The following WNT7A variants were observed in gnomAD, a reference collection of about 807,000 sequenced individuals.
The protein encoded by WNT7A is protein Wnt-7a.
Under a neutral mutation model 28.2 loss-of-function variants are expected in WNT7A, and 16 were observed. The ratio of observed to expected loss-of-function variants is 0.57; its 90% CI spans 0.38 to 0.86. The LOEUF (loss-of-function observed/expected upper bound fraction) is 0.86, where lower values mean the gene tolerates loss of function less well. WNT7A is among the 40% of genes least tolerant of loss of function. WNT7A has a pLI of 0.00. For synonymous variants in WNT7A, 190 were observed against 195.9 expected, an observed-to-expected ratio of 0.97 and a Z score of 0.25; for missense variants, 411 against 489.7, an observed-to-expected ratio of 0.84 and a Z score of 1.52.
chr3:13,878,172 AG>A (rs1025835436), intron 1 of WNT7A, among the ~76,000 whole-genome samples: 1 of 151,894 alleles, frequency 6.6e-6, no homozygotes, highest in Non-Finnish European at 1.5e-5. Context: ...CAATCCGGGG[AG>A]GCCGCGGCGC....
chr3:13,831,282 G>T (rs1461021494), intron 3 of WNT7A, among the ~76,000 whole-genome samples: 1 of 152,176 alleles, frequency 6.6e-6, no homozygotes, highest in South Asian at 2.1e-4. Context: ...GGTGTCCAGT[G>T]CCTGACACGA....
At chr3:13,855,911 G>A (rs1694721874) in intron 2 of WNT7A, among the ~76,000 whole-genome samples, 1 of 152,158 alleles carries the variant, frequency 6.6e-6, no homozygotes, top group South Asian at 2.1e-4. Context: ...TAAGCAGCAA[G>A]TGAGGAGGCA....
chr3:13,831,418 T>C (rs1429883723), intron 3 of WNT7A, among the ~76,000 whole-genome samples: 1 of 152,126 alleles, frequency 6.6e-6, no homozygotes, highest in Non-Finnish European at 1.5e-5. Context: ...GGAACTGGTA[T>C]TGGAGTCCAG....
chr3:13,819,209 T>G lies in WNT7A; in HGVS notation c.785A>C (p.Lys262Thr), dbSNP rs1575057350. The G allele has an allele frequency of 6.2e-7, 1 of 1,614,232 alleles. No individual in the cohort carries two copies. The highest frequency in any genetic ancestry group is 2.2e-5 in the East Asian group (1 of 44,880). The change falls in exon 4 of 4, where the codon AAG becomes ACG. Residue 262 changes from lysine to threonine, a missense_variant. Transcript: ENST00000285018. ...LKIKKPLSYRKPMDTDLVYIE... is the reference protein window; with the variant it reads ...LKIKKPLSYRTPMDTDLVYIE... ...GTACACCAGGTCCGTGTCCATGGGC[T>G]TGCGGTACGACAGTGGCTTCTTGAT... is the stretch of plus-strand genomic sequence containing the variant.
intron 3 of WNT7A, 90 bp from the exon 4 acceptor site, chr3:13,819,513 G>GC: frequency 7.4e-7 from 1 of 1,359,474 alleles, no homozygotes; most frequent in Non-Finnish European, 9.4e-7. Context: ...CCCCACCCCT[G>GC]CCCCACCTAT....
At chr3:13,824,653 CTCTCCGCAGCAGCTG>C (rs1162830285) in intron 3 of WNT7A, among the ~76,000 whole-genome samples, 1 of 152,228 alleles carries the variant, frequency 6.6e-6, no homozygotes, top group African/African-American at 2.4e-5. Flanking sequence ...GGCCCATGCT[CTCTCCGCAGCAGCTG>C]CCTCCGCTTG....
chr3:13,867,632 G>C (rs1694932391), intron 2 of WNT7A, among the ~76,000 whole-genome samples: 1 of 152,058 alleles, frequency 6.6e-6, no homozygotes, highest in Non-Finnish European at 1.5e-5. Flanking sequence ...GCCTCCCACA[G>C]CCCACTCACC....
Position 13,879,846 on chromosome 3 carries a change from C to G in WNT7A, c.-30G>C, listed in dbSNP as rs1261790319. On this transcript the variant is annotated 5_prime_UTR_variant, in exon 1 of 4. Transcript: ENST00000285018. ...CCGATTGGCCGCCGGGGCCGCGGGCCGGGCTGTGCTGATCCCGCGGGCCGG... is the reference window on the plus strand; with the variant it reads ...CCGATTGGCCGCCGGGGCCGCGGGCGGGGCTGTGCTGATCCCGCGGGCCGG... The G allele has an allele frequency of 1.3e-5, 21 of 1,593,052 alleles. No individual in the cohort carries two copies. The highest frequency in any genetic ancestry group is 1.8e-5 in the Non-Finnish European group (21 of 1,168,636).
chr3:13,868,793 GGA>G (rs1313129307), intron 2 of WNT7A, among the ~76,000 whole-genome samples: 1 of 15,402 alleles, frequency 6.5e-5, no homozygotes, highest in African/African-American at 2.2e-4. Context: ...AGGAAGGAAG[GGA>G]GAGAGAGAGA....
Position 13,854,817 on chromosome 3 carries a change from A to G in WNT7A, c.299-14T>C, listed in dbSNP as rs374969667. 1 of 1,611,082 alleles carries G rather than the reference A, an allele frequency of 6.2e-7. No homozygotes were observed. Among genetic ancestry groups the G allele is most frequent in the Non-Finnish European group, 8.5e-7 (1 of 1,180,010 alleles). The stretch of plus-strand genomic sequence containing the variant: ...CCTCCCGGCTCCCTGCGAGGAGGAG[A>G]GAAGAGGAGACAAGTTGGGGTCAGG... On this transcript the variant is annotated splice_polypyrimidine_tract_variant and intron_variant, in intron 2 of 3. Transcript: ENST00000285018.
chr3:13,846,656 T>C (rs1694542277), intron 3 of WNT7A, among the ~76,000 whole-genome samples: 1 of 152,206 alleles, frequency 6.6e-6, no homozygotes, highest in African/African-American at 2.4e-5. Context: ...GACTGCATCC[T>C]GCTTCCTGAT....
chr3:13,848,628 C>T (rs1188004375), intron 3 of WNT7A, among the ~76,000 whole-genome samples: 1 of 152,170 alleles, frequency 6.6e-6, no homozygotes, highest in Non-Finnish European at 1.5e-5. Context: ...TCACACATTG[C>T]TAGTGGGAAT....
At position 13,818,351 on chromosome 3, in the gene WNT7A, C is replaced by CGAAAAAAAAAAAAAAAAAAAAAAAA. The variant is rs575789769; in HGVS notation, c.*592_*593insTTTTTTTTTTTTTTTTTTTTTTTTC. The stretch of plus-strand genomic sequence containing the variant: ...TTTCTGGATAAGTAGCAGCAAACAG[C>CGAAAAAAAAAAAAAAAAAAAAAAAA]AAAAAAAAAAAAAAAAATGTGTGTG... On this transcript the variant is annotated 3_prime_UTR_variant, in exon 4 of 4. Transcript: ENST00000285018. 6 of 79,952 alleles carry CGAAAAAAAAAAAAAAAAAAAAAAAA rather than the reference C, an allele frequency of 7.5e-5. 1 individual carries two copies. Among genetic ancestry groups the CGAAAAAAAAAAAAAAAAAAAAAAAA allele is most frequent in the South Asian group, 9.3e-4 (2 of 2,140 alleles). 5.0% of individuals were successfully genotyped at this position (79,952 alleles called of 1,614,324 possible).
intron 2 of WNT7A, among the ~76,000 whole-genome samples, chr3:13,860,315 C>T (rs1379269429): frequency 6.6e-6 from 1 of 152,134 alleles, no homozygotes; most frequent in African/African-American, 2.4e-5. Flanking sequence ...TCAGCCCCAC[C>T]CCAGCTCCCT....
chr3:13,838,292 T>A (rs1254375664), intron 3 of WNT7A, among the ~76,000 whole-genome samples: 1 of 152,160 alleles, frequency 6.6e-6, no homozygotes, highest in Non-Finnish European at 1.5e-5. Flanking sequence ...CCTCCTGCTG[T>A]CTCTGAGGTT....
rs749815937 is a variant in WNT7A at position 13,819,038 on chromosome 3, G to A, written c.956C>T (p.Ala319Val). 5 of 1,613,282 alleles carry A rather than the reference G, an allele frequency of 3.1e-6. No homozygotes were observed. The highest frequency in any genetic ancestry group is 3.4e-6 in the Non-Finnish European group (4 of 1,179,336). The change falls in exon 4 of 4, where the codon GCC becomes GTC. Residue 319 changes from alanine to valine, a missense_variant. Coordinates refer to ENST00000285018, the MANE Select transcript of WNT7A (RefSeq NM_004625.4). Reference sequence around the variant, plus strand: ...CTTACAGTTGCACTGCCACACGCGGGCGTACTGGTGGGTGTTGTAGCCACG... The same window carrying A: ...CTTACAGTTGCACTGCCACACGCGGACGTACTGGTGGGTGTTGTAGCCACG... Reference protein sequence around the residue: ...CGRGYNTHQYARVWQCNCKFH... With the variant: ...CGRGYNTHQYVRVWQCNCKFH...
chr3:13,868,963 G>A (rs1694979096), intron 2 of WNT7A, among the ~76,000 whole-genome samples: 1 of 138,716 alleles, frequency 7.2e-6, no homozygotes, highest in African/African-American at 2.7e-5. Flanking sequence ...TGGAAGGAAG[G>A]AAGGGAGAAA....
Position 13,818,178 on chromosome 3 carries a change from G to A in WNT7A, c.*766C>T, listed in dbSNP as rs751722565. On this transcript the variant is annotated 3_prime_UTR_variant, in exon 4 of 4. Coordinates refer to ENST00000285018, the MANE Select transcript of WNT7A (RefSeq NM_004625.4). ...TCTCTTATCCGGTGGCTCACTTTCC[G>A]AAAGATGGAAACTGCTGGGAATTTA... 14 of 151,766 alleles carry A rather than the reference G, an allele frequency of 9.2e-5. No homozygotes were observed. The highest frequency in any genetic ancestry group is 2.1e-4 in the South Asian group (1 of 4,782). The allele number at this position is 151,766 out of a possible 1,614,324, so 9.4% of individuals were successfully genotyped here. A position where few individuals can be genotyped will look rare whatever the true frequency, so the allele number is the denominator to read the frequency against.
intron 3 of WNT7A, among the ~76,000 whole-genome samples, chr3:13,846,031 C>T (rs1165338580): frequency 6.6e-6 from 1 of 152,210 alleles, no homozygotes; most frequent in African/African-American, 2.4e-5. Context: ...GGGCCCCTCA[C>T]CTGCCAAGGT....
Sources: gnomAD v4.1 joint callset for allele counts (sites outside exome capture counted in the v4.1 genomes callset) on GRCh38, gnomAD v4.1.1 for gene constraint, MANE v1.5 for transcripts, NCBI Gene and HGNC (gene_info 2026-07-23, HGNC 2026-07-21) for gene names.